Variants in PPARGC1A observed in about 807,000 individuals in gnomAD.
PPARGC1A encodes the protein peroxisome proliferator-activated receptor gamma coactivator 1-alpha.
A neutral mutation model predicts 88.7 loss-of-function variants in PPARGC1A; 25 were observed. The observed-to-expected ratio is 0.28, with a 90% confidence interval of 0.21 to 0.39. PPARGC1A has a LOEUF of 0.39. Ranked by LOEUF, PPARGC1A falls within the 10% of genes least tolerant of loss-of-function variation. The pLI, the probability that PPARGC1A is intolerant of heterozygous loss-of-function variation, is 1.00. For synonymous variants in PPARGC1A, 363 were observed against 355.6 expected (o/e 1.02, Z -0.24); for missense variants, 880 against 968.7 (o/e 0.91, Z 1.22).
chr4:24,299,845 A>C, the PPARGC1A span, among the ~76,000 whole-genome samples: 6 of 152,170 alleles, frequency 3.9e-5, no homozygotes, highest in African/African-American at 1.4e-4. Flanking sequence ...CCAGGCTAGA[A>C]AGCACCATTT....
the PPARGC1A span, among the ~76,000 whole-genome samples, chr4:24,355,639 A>C: frequency 6.6e-6 from 1 of 152,316 alleles, no homozygotes; most frequent in African/African-American, 2.4e-5. Flanking sequence ...TTATTGTTTC[A>C]ACAAATGCCT....
chr4:24,065,663 G>A, the PPARGC1A span, among the ~76,000 whole-genome samples: 1 of 152,112 alleles, frequency 6.6e-6, no homozygotes. Flanking sequence ...CCTACCCCAG[G>A]TTAGGCATTG....
chr4:24,399,867 C>A, the PPARGC1A span, among the ~76,000 whole-genome samples: 1 of 151,622 alleles, frequency 6.6e-6, no homozygotes, highest in East Asian at 1.9e-4. Flanking sequence ...TGGCTCACTG[C>A]AACCTCTGCC....
chr4:24,397,061 A>G, the PPARGC1A span, among the ~76,000 whole-genome samples: 1 of 152,186 alleles, frequency 6.6e-6, no homozygotes, highest in Non-Finnish European at 1.5e-5. Context: ...AAGCCAAATG[A>G]CTCCATGCAC....
At chr4:23,908,182 C>T (rs1010512810), upstream of PPARGC1A, among the ~76,000 whole-genome samples, 1 of 152,190 alleles carries the variant, frequency 6.6e-6, no homozygotes, top group Non-Finnish European at 1.5e-5. Context: ...ACAGTGTCTG[C>T]ATTTTCCAAT....
the PPARGC1A span, among the ~76,000 whole-genome samples, chr4:24,270,971 T>C: frequency 6.6e-6 from 1 of 152,182 alleles, no homozygotes; most frequent in African/African-American, 2.4e-5. Flanking sequence ...TGTATGATCA[T>C]GGCTAATACG....
At chr4:24,159,626 G>A in the PPARGC1A span, among the ~76,000 whole-genome samples, 1 of 152,122 alleles carries the variant, frequency 6.6e-6, no homozygotes, top group Non-Finnish European at 1.5e-5. Context: ...AATAGTTATT[G>A]TTAAATTAAA....
At chr4:23,850,944 T>C (rs1729177804) in intron 2 of PPARGC1A, among the ~76,000 whole-genome samples, 2 of 152,180 alleles carry the variant, frequency 1.3e-5, no homozygotes, top group Admixed American at 1.3e-4. Flanking sequence ...TTAAACTTAA[T>C]TGTTAATTTT....
At chr4:24,245,817 T>TCC in the PPARGC1A span, among the ~76,000 whole-genome samples, 1 of 152,262 alleles carries the variant, frequency 6.6e-6, no homozygotes, top group African/African-American at 2.4e-5. Flanking sequence ...TGTAATCATA[T>TCC]CCCTATTCAG....
Position 23,793,613 on chromosome 4 carries a change from G to C in PPARGC1A, c.*2209C>G, listed in dbSNP as rs1397319827. 1.3e-5 allele frequency: 2 copies of C among 152,134 alleles called. No homozygotes were observed. The highest frequency in any genetic ancestry group is 2.9e-5 in the Non-Finnish European group (2 of 67,980). The allele number at this position is 152,134 out of a possible 1,614,324, so 9.4% of individuals were successfully genotyped here. ...AAGTCATGTCAGCCAAACAGTAATC[G>C]AATCTCAATTTAGAAACTTGAATAC... On this transcript the variant is annotated 3_prime_UTR_variant, in exon 13 of 13. Coordinates refer to ENST00000264867, the MANE Select transcript of PPARGC1A (RefSeq NM_013261.5).
At chr4:24,049,255 T>A in the PPARGC1A span, among the ~76,000 whole-genome samples, 2 of 143,202 alleles carry the variant, frequency 1.4e-5, no homozygotes, top group South Asian at 4.4e-4. Flanking sequence ...TACACATATA[T>A]GTATATAAAT....
the PPARGC1A span, among the ~76,000 whole-genome samples, chr4:24,258,810 G>A: frequency 6.6e-6 from 1 of 152,186 alleles, no homozygotes; most frequent in Admixed American, 6.5e-5. Context: ...ATTTTTAACA[G>A]TCCTTTCTAG....
the PPARGC1A span, among the ~76,000 whole-genome samples, chr4:23,936,792 A>C: frequency 6.6e-6 from 1 of 152,034 alleles, no homozygotes; most frequent in African/African-American, 2.4e-5. Context: ...AATCGCTTGA[A>C]CTGGGAGATG....
At chr4:24,451,663 T>C in the PPARGC1A span, among the ~76,000 whole-genome samples, 1 of 152,122 alleles carries the variant, frequency 6.6e-6, no homozygotes, top group Non-Finnish European at 1.5e-5. Flanking sequence ...CTGCAACCTC[T>C]GCCTCCCAGG....
the PPARGC1A span, among the ~76,000 whole-genome samples, chr4:24,124,447 A>T: frequency 5.3e-3 from 801 of 152,278 alleles, 5 homozygotes; most frequent in South Asian, 0.017. Flanking sequence ...TAAAGTTATC[A>T]CTTCCTGAAG....
At chr4:23,985,257 G>A in the PPARGC1A span, among the ~76,000 whole-genome samples, 4 of 152,052 alleles carry the variant, frequency 2.6e-5, no homozygotes, top group Non-Finnish European at 5.9e-5. Context: ...ACGACTGGGT[G>A]AGCAAAGCAG....
At chr4:24,372,383 T>C in the PPARGC1A span, among the ~76,000 whole-genome samples, 1 of 152,164 alleles carries the variant, frequency 6.6e-6, no homozygotes, top group African/African-American at 2.4e-5. Context: ...TGCTAGGCAT[T>C]TGTAGTTTTT....
the PPARGC1A span, among the ~76,000 whole-genome samples, chr4:24,010,406 C>T: frequency 6.6e-6 from 1 of 152,160 alleles, no homozygotes; most frequent in African/African-American, 2.4e-5. Context: ...TTTCCCATTG[C>T]TGCCACCATT....
At chr4:23,946,028 A>G in the PPARGC1A span, among the ~76,000 whole-genome samples, 1 of 152,114 alleles carries the variant, frequency 6.6e-6, no homozygotes, top group Non-Finnish European at 1.5e-5. Context: ...TCCCCAGGGC[A>G]GAATCCGCTG....
Sources: allele counts gnomAD v4.1 joint callset (sites outside exome capture counted in the v4.1 genomes callset), GRCh38; gene constraint gnomAD v4.1.1; transcripts MANE v1.5; gene names NCBI Gene and HGNC (gene_info 2026-07-23, HGNC 2026-07-21).